Variants in PIGF observed in about 807,000 individuals in gnomAD.
PIGF encodes phosphatidylinositol glycan anchor biosynthesis class F.
In PIGF, 23 loss-of-function variants were observed where a neutral mutation model predicts 26.0. The observed-to-expected ratio is 0.88, with a 90% confidence interval of 0.64 to 1.25. PIGF has a LOEUF of 1.25. PIGF is among the 50% of genes most tolerant of loss of function. The pLI, the probability that PIGF is intolerant of heterozygous loss-of-function variation, is 0.00. For synonymous variants in PIGF, 93 were observed against 92.6 expected (o/e 1.00, Z -0.03); for missense variants, 278 against 249.9 (o/e 1.11, Z -0.76).
intron 3 of PIGF, 51 bp from the exon 4 acceptor site, chr2:46,612,395 C>G (rs1430453240): frequency 5.3e-6 from 3 of 566,922 alleles, no homozygotes; most frequent in Non-Finnish European, 9.0e-6. Context: ...GGTAAACATA[C>G]ACATACATAA....
intron 4 of PIGF, among the ~76,000 whole-genome samples, chr2:46,595,532 G>A (rs1276497429): frequency 6.6e-6 from 1 of 152,058 alleles, no homozygotes; most frequent in East Asian, 1.9e-4. Context: ...TCTACTTTTT[G>A]GTTATTATGA....
chr2:46,587,622 C>T (rs1049917657), intron 5 of PIGF, among the ~76,000 whole-genome samples: 1 of 151,964 alleles, frequency 6.6e-6, no homozygotes. Context: ...TCCTTTTTAC[C>T]TTCGTAAGAA....
At chr2:46,600,172 C>G (rs943181630) in intron 4 of PIGF, among the ~76,000 whole-genome samples, 2 of 152,228 alleles carry the variant, frequency 1.3e-5, no homozygotes, top group Non-Finnish European at 2.9e-5. Context: ...GCCCCCTTAG[C>G]AGATCCCTGT....
chr2:46,581,915 T>A (rs1669396031), intron 5 of PIGF: 1 of 210,338 alleles, frequency 4.8e-6, no homozygotes, highest in East Asian at 1.3e-4. Context: ...CTCTCTGAAC[T>A]AGTTGGTAAT....
At chr2:46,605,779 G>A (rs2104119181) in intron 4 of PIGF, among the ~76,000 whole-genome samples, 1 of 152,130 alleles carries the variant, frequency 6.6e-6, no homozygotes, top group South Asian at 2.1e-4. Context: ...CAGAACTGGG[G>A]CAAATCACTT....
chr2:46,582,673 G>A (rs569923291), intron 5 of PIGF: 18 of 152,614 alleles, frequency 1.2e-4, no homozygotes, highest in African/African-American at 4.3e-4. Flanking sequence ...CATGACTTGA[G>A]CTTATAGCTA....
chr2:46,592,675 T>G (rs1669758339), intron 4 of PIGF, 92 bp from the exon 5 acceptor site: 1 of 662,714 alleles, frequency 1.5e-6, no homozygotes, highest in East Asian at 2.6e-5. Flanking sequence ...AGTATACATA[T>G]ATTTCCTGCT....
At chr2:46,613,996 C>A (rs1460940557) in intron 2 of PIGF, 2 of 470,784 alleles carry the variant, frequency 4.2e-6, no homozygotes, top group Non-Finnish European at 7.6e-6. Flanking sequence ...ATACCACCTT[C>A]CGCCCATATT....
At chr2:46,610,702 G>C (rs999260495) in intron 4 of PIGF, among the ~76,000 whole-genome samples, 1 of 151,778 alleles carries the variant, frequency 6.6e-6, no homozygotes, top group African/African-American at 2.4e-5. Flanking sequence ...GCTAATTTTT[G>C]TATTTTTAGT....
chr2:46,608,068 T>C (rs111880906), intron 4 of PIGF, among the ~76,000 whole-genome samples: 44 of 152,326 alleles, frequency 2.9e-4, no homozygotes, highest in Non-Finnish European at 5.4e-4. Flanking sequence ...CCAGAAAAGA[T>C]TGATCTGTAG....
Position 46,588,102 on chromosome 2 carries a change from T to C in PIGF, c.546+4373A>G, listed in dbSNP as rs1669632891. On this transcript the variant is annotated intron_variant, in intron 5 of 5. Coordinates refer to ENST00000281382, the MANE Select transcript of PIGF (RefSeq NM_002643.4). The surrounding 1 kb of genome is among the most constrained non-coding windows in gnomAD (Gnocchi z 4.1). ...TGCACTACGGTTGTCAGGATTAAGT[T>C]ACTCATTTCACAGTACCAAGCCCCC... The C allele has an allele frequency of 6.2e-7, 1 of 1,603,428 alleles. No homozygotes were observed. Among genetic ancestry groups the C allele is most frequent in the African/African-American group, 1.3e-5 (1 of 74,360 alleles).
At chr2:46,615,820 G>A (rs773868048) in intron 1 of PIGF, 5 of 151,976 alleles carry the variant, frequency 3.3e-5, no homozygotes, top group African/African-American at 1.2e-4. Flanking sequence ...AGATGACAAC[G>A]TCTGTTACAG....
At chr2:46,616,831 G>A (rs1200879502) in intron 1 of PIGF, 139 bp downstream of exon 1, 5 of 271,588 alleles carry the variant, frequency 1.8e-5, no homozygotes, top group Non-Finnish European at 3.6e-5. Context: ...TGTCCATCAG[G>A]GCACGCCGGA....
At chr2:46,612,391 C>G in intron 3 of PIGF, 47 bp from the exon 4 acceptor site, 1 of 562,514 alleles carries the variant, frequency 1.8e-6, no homozygotes, top group South Asian at 3.1e-5. Flanking sequence ...TAAAGGTAAA[C>G]ATACACATAC....
intron 4 of PIGF, among the ~76,000 whole-genome samples, chr2:46,606,456 C>G (rs1280205983): frequency 2.6e-5 from 4 of 152,008 alleles, no homozygotes; most frequent in African/African-American, 9.7e-5. Flanking sequence ...TTAGTTTTTA[C>G]AAATGCATAG....
At chr2:46,591,032 A>T (rs750071837) in intron 5 of PIGF, among the ~76,000 whole-genome samples, 25 of 152,346 alleles carry the variant, frequency 1.6e-4, no homozygotes, top group Middle Eastern at 6.8e-3. Flanking sequence ...GATTTAATTC[A>T]TCAATTCATT....
At chr2:46,591,705 TAC>T (rs1669726572) in intron 5 of PIGF, 2 of 1,096,830 alleles carry the variant, frequency 1.8e-6, no homozygotes, top group African/African-American at 1.6e-5. Context: ...AAGATAAAGA[TAC>T]AGTCATCACT....
chr2:46,609,350 G>C (rs1670328936), intron 4 of PIGF, among the ~76,000 whole-genome samples: 1 of 152,214 alleles, frequency 6.6e-6, no homozygotes, highest in South Asian at 2.1e-4. Context: ...TTAGAATGTT[G>C]TACCTGGTTT....
chr2:46,612,792 G>A (rs954367441), intron 3 of PIGF, among the ~76,000 whole-genome samples: 1 of 152,088 alleles, frequency 6.6e-6, no homozygotes, highest in African/African-American at 2.4e-5. Context: ...CTGGAGAGCT[G>A]GATAAACTAA....
Sources: allele counts gnomAD v4.1 joint callset (sites outside exome capture counted in the v4.1 genomes callset), GRCh38; gene constraint gnomAD v4.1.1; non-coding constraint Gnocchi (gnomAD v3.1); transcripts MANE v1.5; gene names NCBI Gene and HGNC (gene_info 2026-07-23, HGNC 2026-07-21).